Variants in BRWD3 observed in about 807,000 individuals in gnomAD.
BRWD3 encodes the protein bromodomain and WD repeat-containing protein 3.
BRWD3 carries 10 observed loss-of-function variants against 149.7 expected under a neutral mutation model. The observed-to-expected ratio is 0.07, with a 90% confidence interval of 0.04 to 0.11. The LOEUF is 0.11. Ranked by LOEUF, BRWD3 falls within the 10% of genes least tolerant of loss-of-function variation. The probability of loss-of-function intolerance (pLI) is 1.00; values close to 1 mark genes in which losing one functional copy is unlikely to be tolerated. For missense variants in BRWD3, 940 were observed against 1,373.2 expected (o/e 0.68, Z 4.99); for synonymous variants, 504 against 456.7 (o/e 1.10, Z -1.32).
At chrX:80,743,433 C>T (rs1370577505) in intron 8 of BRWD3, among the ~76,000 whole-genome samples, 1 of 111,795 alleles carries the variant, frequency 8.9e-6, no homozygotes, top group African/African-American at 3.2e-5. Flanking sequence ...GGAGGATTCC[C>T]TCTTTTTCTA....
At position 80,723,828 on chromosome X, in the gene BRWD3, C is replaced by A; in HGVS notation, c.1570G>T (p.Asp524Tyr). The change falls in exon 16 of 41, where the codon GAT (aspartate) becomes TAT (tyrosine). Residue 524 changes from aspartate (D) to tyrosine (Y), a missense_variant. Around this residue, in one of 6 missense-constraint regions of BRWD3, gnomAD observed 209 missense variants for 396.8 expected, o/e 0.53. Coordinates refer to ENST00000373275, the MANE Select transcript of BRWD3 (RefSeq NM_153252.5). ...TCTGTGCAGGCAAAATGGTTTCCAT[C>A]TGGTGAAAATTTACAATCAAACACC... ...GAVFDCKFSP[D>Y]GNHFACTDSH... 1.7e-6 allele frequency: 2 copies of A among 1,211,067 alleles called. No homozygotes were observed. Among genetic ancestry groups the A allele is most frequent in the Non-Finnish European group, 2.2e-6 (2 of 894,704 alleles).
chrX:80,674,356 T>A lies in BRWD3; in HGVS notation c.*2253A>T, dbSNP rs991830442. ...TAAATAAAGCTCCAGATAGCCAAAA[T>A]CACACAAATGTCAATTCTTCTACAT... On this transcript the variant is annotated 3_prime_UTR_variant, in exon 41 of 41. Coordinates refer to ENST00000373275, the MANE Select transcript of BRWD3 (RefSeq NM_153252.5). The A allele has an allele frequency of 9.0e-6, 1 of 111,603 alleles. No homozygotes were observed. The highest frequency in any genetic ancestry group is 1.9e-5 in the Non-Finnish European group (1 of 52,985). The allele number at this position is 111,603 out of a possible 1,213,427, so 9.2% of individuals were successfully genotyped here. A position where few individuals can be genotyped will look rare whatever the true frequency, so the allele number is the denominator to read the frequency against.
intron 6 of BRWD3, among the ~76,000 whole-genome samples, chrX:80,747,346 C>T (rs911647548): frequency 8.2e-5 from 9 of 109,524 alleles, no homozygotes; most frequent in African/African-American, 1.7e-4. Flanking sequence ...TGTTTTGCAG[C>T]ATCCCTCACC....
At chrX:80,792,256 C>T (rs755779344) in intron 5 of BRWD3, among the ~76,000 whole-genome samples, 1 of 111,834 alleles carries the variant, frequency 8.9e-6, no homozygotes, top group Non-Finnish European at 1.9e-5. Flanking sequence ...TTAAAGTTTA[C>T]ATCAGTTCTT....
At chrX:80,705,987 T>C (rs1179672872) in intron 22 of BRWD3, among the ~76,000 whole-genome samples, 1 of 112,572 alleles carries the variant, frequency 8.9e-6, no homozygotes, top group Non-Finnish European at 1.9e-5. Context: ...TATTTTTCTT[T>C]CTTCAACAAG....
chrX:80,769,268 C>T (rs1026627471), intron 6 of BRWD3, among the ~76,000 whole-genome samples: 6 of 111,608 alleles, frequency 5.4e-5, no homozygotes, highest in African/African-American at 9.8e-5. Flanking sequence ...GAACTCTCCA[C>T]CCCAAATCAA....
chrX:80,714,219 CTTT>C (rs987098536), intron 20 of BRWD3, among the ~76,000 whole-genome samples: 20 of 61,805 alleles, frequency 3.2e-4, no homozygotes, highest in South Asian at 1.5e-3. Context: ...AAACCTTCAT[CTTT>C]TTTTTTTTTT....
rs1172359472 is a variant in BRWD3 at position 80,809,174 on chromosome X, G to A, written c.90+72C>T. On this transcript the variant is annotated intron_variant, in intron 2 of 40. Coordinates refer to ENST00000373275, the MANE Select transcript of BRWD3 (RefSeq NM_153252.5). The stretch of plus-strand genomic sequence containing the variant: ...CCTTTCCCTCACCCTCAACGGAACT[G>A]CTCGTCCCGCTGCCTCGATTTCCCC... 4.4e-6 allele frequency: 5 copies of A among 1,140,174 alleles called. No individual in the cohort carries two copies. In the East Asian group the frequency reaches 9.4e-5, roughly 21 times the overall value. 94.0% of individuals were successfully genotyped at this position (1,140,174 alleles called of 1,213,427 possible). A position where few individuals can be genotyped will look rare whatever the true frequency, so the allele number is the denominator to read the frequency against.
intron 12 of BRWD3, chrX:80,733,085 G>A (rs1180405106): frequency 4.4e-5 from 5 of 112,590 alleles, no homozygotes; most frequent in East Asian, 2.8e-4. Context: ...AGCCAAGATC[G>A]CACCACCGCA....
intron 15 of BRWD3, 119 bp downstream of exon 15, chrX:80,724,814 A>T: frequency 3.7e-6 from 3 of 809,346 alleles, no homozygotes; most frequent in Non-Finnish European, 5.4e-6. Flanking sequence ...GAAATATTTA[A>T]CCAATTTAAA....
chrX:80,771,089 C>T lies in BRWD3; in HGVS notation c.430+20765G>A, dbSNP rs760564584. 3.6e-5 allele frequency among the ~76,000 whole-genome samples: 4 copies of T among 110,925 alleles called. No individual in the cohort carries two copies. The South Asian group carries it at 1.1e-3, about 32-fold the overall frequency. On this transcript the variant is annotated intron_variant, in intron 6 of 40. Coordinates refer to ENST00000373275, the MANE Select transcript of BRWD3 (RefSeq NM_153252.5). ...CTAGGAGAACTACAAACCTGCTCAG[C>T]GAAATAAAGTAGGACACAAACAAAT...
In BRWD3 at chrX:80,719,923, C is replaced by G. The variant is rs191866440; in HGVS notation, c.1877-267G>C. On this transcript the variant is annotated intron_variant, in intron 17 of 40. Coordinates refer to ENST00000373275, the MANE Select transcript of BRWD3 (RefSeq NM_153252.5). ...AAGTGCTGCATAACGACATTTCAGT[C>G]AAAGATAAACCACATATACGACGGT... Among the ~76,000 whole-genome samples the G allele has an allele frequency of 2.3e-3, 252 of 111,269 alleles. 1 individual carries two copies. The highest frequency in any genetic ancestry group is 4.3e-3 in the Admixed American group (45 of 10,459).
At chrX:80,709,670 G>T in intron 20 of BRWD3, 93 bp from the exon 21 acceptor site, 1 of 745,444 alleles carries the variant, frequency 1.3e-6, no homozygotes, top group South Asian at 2.6e-5. Flanking sequence ...GGGGGTAGGG[G>T]TGAGTAGGAG....
chrX:80,686,578 C>T (rs938000839), intron 35 of BRWD3, among the ~76,000 whole-genome samples: 2 of 110,196 alleles, frequency 1.8e-5, no homozygotes, highest in South Asian at 3.8e-4. Context: ...GAGGTGTATT[C>T]GAGGTTAGTA....
In BRWD3 at chrX:80,676,822, T is replaced by G; in HGVS notation, c.5196A>C (p.Glu1732Asp). 1 of 1,211,308 alleles carries G rather than the reference T, an allele frequency of 8.3e-7. No individual in the cohort carries two copies. Among genetic ancestry groups the G allele is most frequent in the Non-Finnish European group, 1.1e-6 (1 of 895,392 alleles). ...RAKRARIADD[E>D]FDTMFSGRFS... Reference sequence around the variant, plus strand: ...AACGTCCTGAAAACATGGTATCAAATTCATCATCTGCAATACGTGCTCGTT... The same window carrying G: ...AACGTCCTGAAAACATGGTATCAAAGTCATCATCTGCAATACGTGCTCGTT... Residue 1732 changes from glutamate to aspartate, a missense_variant, in exon 41 of 41, where the codon GAA becomes GAC. Transcript: ENST00000373275.
chrX:80,758,740 T>C (rs1315742301), intron 6 of BRWD3, among the ~76,000 whole-genome samples: 2 of 110,923 alleles, frequency 1.8e-5, no homozygotes, highest in Non-Finnish European at 3.8e-5. Flanking sequence ...TGTGTGGGAA[T>C]AGCCACTGCA....
At position 80,673,382 on chromosome X, in the gene BRWD3, A is replaced by G. The variant is rs1335885754; in HGVS notation, c.*3227T>C. On this transcript the variant is annotated 3_prime_UTR_variant, in exon 41 of 41. Transcript: ENST00000373275. ...ATCTAGAAGGCATAATGAATGATCA[A>G]GCAGTAAATATACAGGCTAAGAGCT... The G allele has an allele frequency of 8.9e-6, 1 of 111,739 alleles. No homozygotes were observed. The highest frequency in any genetic ancestry group is 1.9e-5 in the Non-Finnish European group (1 of 53,118). The allele number at this position is 111,739 out of a possible 1,213,427, so 9.2% of individuals were successfully genotyped here. A position where few individuals can be genotyped will look rare whatever the true frequency, so the allele number is the denominator to read the frequency against.
intron 4 of BRWD3, among the ~76,000 whole-genome samples, chrX:80,807,464 TATC>T (rs2147873773): frequency 8.9e-6 from 1 of 112,352 alleles, no homozygotes; most frequent in African/African-American, 3.2e-5. Context: ...ATTTAGAGTC[TATC>T]ATACACCGCC....
chrX:80,729,791 C>A, intron 13 of BRWD3, 125 bp downstream of exon 13: 1 of 523,705 alleles, frequency 1.9e-6, no homozygotes. Context: ...TGTACAGATG[C>A]AAACTTCATG....
Sources: gnomAD v4.1 joint callset for allele counts (sites outside exome capture counted in the v4.1 genomes callset) on GRCh38, gnomAD v4.1.1 for gene constraint, gnomAD v4.1.1 regional missense constraint, MANE v1.5 for transcripts, NCBI Gene and HGNC (gene_info 2026-07-23, HGNC 2026-07-21) for gene names.